The following TEAD1 variants were observed in gnomAD, a reference collection of about 807,000 sequenced individuals.
TEAD1 encodes TEA domain transcription factor 1.
In TEAD1, 9 loss-of-function variants were observed where a neutral mutation model predicts 54.9. That is an observed-to-expected ratio of 0.16 (90% CI 0.10 to 0.29). The LOEUF (loss-of-function observed/expected upper bound fraction) is 0.29. Ranked by LOEUF, TEAD1 falls within the 10% of genes least tolerant of loss-of-function variation. The pLI is 1.00. For missense variants in TEAD1, 387 were observed against 535.9 expected (o/e 0.72, Z 2.74); for synonymous variants, 200 against 187.8 (o/e 1.07, Z -0.53).
chr11:12,738,707 GTA>G (rs1340467404), intron 2 of TEAD1, among the ~76,000 whole-genome samples: 1 of 152,178 alleles, frequency 6.6e-6, no homozygotes, highest in Non-Finnish European at 1.5e-5. Context: ...TGAATTTTCT[GTA>G]TTTACTTGCC....
At chr11:12,888,892 G>A (rs1252207849) in intron 9 of TEAD1, among the ~76,000 whole-genome samples, 1 of 152,156 alleles carries the variant, frequency 6.6e-6, no homozygotes, top group Non-Finnish European at 1.5e-5. Context: ...TGAGTAGTCT[G>A]TTTTTGTAGC....
intron 3 of TEAD1, among the ~76,000 whole-genome samples, chr11:12,859,177 A>G (rs1947450408): frequency 6.6e-6 from 1 of 152,230 alleles, no homozygotes; most frequent in African/African-American, 2.4e-5. Flanking sequence ...TACACAGTCA[A>G]ATAGGGCTGT....
At chr11:12,927,463 C>T (rs982465176) in intron 11 of TEAD1, among the ~76,000 whole-genome samples, 1 of 152,158 alleles carries the variant, frequency 6.6e-6, no homozygotes, top group African/African-American at 2.4e-5. Context: ...ATAGTATATA[C>T]TGATATTTGA....
chr11:12,937,266 C>G lies in TEAD1; in HGVS notation c.*44C>G. On this transcript the variant is annotated 3_prime_UTR_variant, in exon 13 of 13. Transcript: ENST00000527636. ...ATAGATATCTGTATATACACACACACATATGTGCACACACACACTCTCTCT... is the reference window on the plus strand; with the variant it reads ...ATAGATATCTGTATATACACACACAGATATGTGCACACACACACTCTCTCT... 1 of 1,302,554 alleles carries G rather than the reference C, an allele frequency of 7.7e-7. No homozygotes were observed. The highest frequency in any genetic ancestry group is 1.8e-4 in the Middle Eastern group (1 of 5,482). The allele number at this position is 1,302,554 out of a possible 1,614,324, so 80.7% of individuals were successfully genotyped here.
intron 4 of TEAD1, chr11:12,864,615 CTTTTTTGTTT>C: frequency 1.1e-6 from 1 of 911,152 alleles, no homozygotes; most frequent in Non-Finnish European, 1.5e-6. Flanking sequence ...ATTTGATTTC[CTTTTTTGTTT>C]TGTTTTGTTT....
intron 3 of TEAD1, among the ~76,000 whole-genome samples, chr11:12,817,743 T>C (rs959439534): frequency 1.3e-5 from 2 of 152,170 alleles, no homozygotes; most frequent in African/African-American, 4.8e-5. Context: ...AGAATGAGAA[T>C]TGTTTCACAG....
At chr11:12,898,945 C>CTGTAGA (rs1320448583) in intron 9 of TEAD1, among the ~76,000 whole-genome samples, 1 of 152,154 alleles carries the variant, frequency 6.6e-6, no homozygotes, top group Non-Finnish European at 1.5e-5. Context: ...CCTTCTTGAC[C>CTGTAGA]TGTAGATGTC....
chr11:12,720,162 T>C (rs1005401558), intron 2 of TEAD1, among the ~76,000 whole-genome samples: 4 of 151,844 alleles, frequency 2.6e-5, no homozygotes, highest in Non-Finnish European at 5.9e-5. Flanking sequence ...AATTTCCAAT[T>C]AGACTACTTT....
chr11:12,783,338 C>A (rs900407874), intron 3 of TEAD1, among the ~76,000 whole-genome samples: 1 of 151,990 alleles, frequency 6.6e-6, no homozygotes, highest in Admixed American at 6.5e-5. Flanking sequence ...GAGCCTAGCC[C>A]TCATGCTCTG....
chr11:12,750,124 A>G (rs182014057), intron 2 of TEAD1, among the ~76,000 whole-genome samples: 1 of 152,330 alleles, frequency 6.6e-6, no homozygotes, highest in East Asian at 1.9e-4. Flanking sequence ...TTTTGGTTAA[A>G]TTCATGCATT....
chr11:12,898,026 A>G (rs1016630202), intron 9 of TEAD1, among the ~76,000 whole-genome samples: 7 of 152,182 alleles, frequency 4.6e-5, no homozygotes, highest in Non-Finnish European at 7.4e-5. Flanking sequence ...CCTCATCTGT[A>G]AAATGATTTA....
chr11:12,762,890 C>CCAG (rs1446806738), intron 2 of TEAD1, among the ~76,000 whole-genome samples: 1 of 152,098 alleles, frequency 6.6e-6, no homozygotes, highest in Admixed American at 6.5e-5. Flanking sequence ...GGTGTGGCCA[C>CCAG]CAGCACCTGC....
chr11:12,721,192 C>T (rs563674058), intron 2 of TEAD1, among the ~76,000 whole-genome samples: 45 of 152,264 alleles, frequency 3.0e-4, no homozygotes, highest in African/African-American at 9.6e-4. Context: ...TCCTTGAGGA[C>T]GAGTGAGTGT....
chr11:12,857,168 G>T (rs1391394110), intron 3 of TEAD1, among the ~76,000 whole-genome samples: 1 of 152,138 alleles, frequency 6.6e-6, no homozygotes, highest in Admixed American at 6.5e-5. Context: ...CCAATGATGG[G>T]CTCATTTCGA....
At chr11:12,809,145 G>T (rs112288972) in intron 3 of TEAD1, among the ~76,000 whole-genome samples, 299 of 152,318 alleles carry the variant, frequency 2.0e-3, no homozygotes, top group African/African-American at 6.4e-3. Context: ...TGCATGGCAA[G>T]TGTGAACATG....
chr11:12,707,267 G>A (rs1223332457), intron 2 of TEAD1, among the ~76,000 whole-genome samples: 1 of 151,886 alleles, frequency 6.6e-6, no homozygotes, highest in Non-Finnish European at 1.5e-5. Flanking sequence ...CGAGACCTGG[G>A]ATCACCCTTC....
At chr11:12,853,480 A>G (rs1483806151) in intron 3 of TEAD1, among the ~76,000 whole-genome samples, 2 of 152,224 alleles carry the variant, frequency 1.3e-5, no homozygotes, top group Non-Finnish European at 2.9e-5. Context: ...GATCAGAGGC[A>G]TAGTTACAGT....
At chr11:12,935,472 AT>A (rs1220363543) in intron 12 of TEAD1, among the ~76,000 whole-genome samples, 1 of 151,390 alleles carries the variant, frequency 6.6e-6, no homozygotes, top group African/African-American at 2.4e-5. Flanking sequence ...TTATTTATTT[AT>A]TTTTGAGGTA....
rs145940169 is a variant in TEAD1 at position 12,816,469 on chromosome 11, G to A, written c.203-45781G>A. On this transcript the variant is annotated intron_variant, in intron 3 of 12. Transcript: ENST00000527636. ...TAGGTTCAACACTTTAAGTTACCCC[G>A]CCCCCTTTTTGGTATTTGTAGTGGC... 6.7e-4 allele frequency among the ~76,000 whole-genome samples: 102 copies of A among 152,196 alleles called. 1 individual carries two copies. The highest frequency in any genetic ancestry group is 2.4e-3 in the African/African-American group (98 of 41,520).
Sources: allele counts gnomAD v4.1 joint callset (sites outside exome capture counted in the v4.1 genomes callset), GRCh38; gene constraint gnomAD v4.1.1; transcripts MANE v1.5; gene names NCBI Gene and HGNC (gene_info 2026-07-23, HGNC 2026-07-21).